ATP6V1H: variants seen among roughly 807,000 people sequenced by gnomAD.
ATP6V1H encodes ATPase H+ transporting V1 subunit H, also known as V-type proton ATPase subunit H.
A neutral mutation model predicts 71.7 loss-of-function variants in ATP6V1H; 39 were observed. The ratio of observed to expected loss-of-function variants is 0.54; its 90% CI spans 0.42 to 0.71. The LOEUF is 0.71. ATP6V1H is among the 30% of genes least tolerant of loss of function. The probability of loss-of-function intolerance (pLI) is 0.00; values close to 1 mark genes in which losing one functional copy is unlikely to be tolerated. For missense variants in ATP6V1H, 509 were observed against 594.9 expected (o/e 0.86, Z 1.50); for synonymous variants, 192 against 199.3 (o/e 0.96, Z 0.31).
chr8:53,802,403 C>T (rs1009071693), intron 7 of ATP6V1H, among the ~76,000 whole-genome samples: 2 of 152,082 alleles, frequency 1.3e-5, no homozygotes, highest in African/African-American at 4.8e-5. Context: ...TGCCAAGCAC[C>T]CTGAATATTG....
chr8:53,838,408 C>T (rs1222286585), intron 2 of ATP6V1H, among the ~76,000 whole-genome samples: 3 of 152,164 alleles, frequency 2.0e-5, no homozygotes, highest in South Asian at 2.1e-4. Context: ...CGTGAGCCAC[C>T]GCGCCTGGCC....
Position 53,829,527 on chromosome 8 carries a change from T to A in ATP6V1H, c.223A>T (p.Lys75Ter). 6.3e-7 allele frequency: 1 copy of A among 1,576,980 alleles called. No homozygotes were observed. The stretch of plus-strand genomic sequence containing the variant: ...TGAGTCATCAGATTTATAAATGTTT[T>A]AGCACACTAAAAAAAAAAATGAAAT... ...MLQTEGSQCA[K>*]TFINLMTHIC... Residue 75 changes from lysine to a stop codon, truncating the protein, a stop_gained, in exon 4 of 14, where the codon AAA (lysine) becomes TAA (stop). Transcript: ENST00000359530. LOFTEE classifies it high-confidence loss of function.
At chr8:53,785,766 CTTGG>C in intron 9 of ATP6V1H, among the ~76,000 whole-genome samples, 1 of 152,184 alleles carries the variant, frequency 6.6e-6, no homozygotes, top group Non-Finnish European at 1.5e-5. Flanking sequence ...ACTCATGACC[CTTGG>C]CTGCAGGTCT....
intron 7 of ATP6V1H, among the ~76,000 whole-genome samples, chr8:53,803,157 C>T (rs920564370): frequency 8.6e-5 from 13 of 151,948 alleles, no homozygotes; most frequent in African/African-American, 2.7e-4. Flanking sequence ...GCCAACATGG[C>T]GAAACTCCAT....
chr8:53,745,503 C>T (rs1272470310), intron 12 of ATP6V1H, among the ~76,000 whole-genome samples: 1 of 152,176 alleles, frequency 6.6e-6, no homozygotes, highest in Non-Finnish European at 1.5e-5. Flanking sequence ...TCACAGAGCA[C>T]GGTCACAGGC....
intron 9 of ATP6V1H, among the ~76,000 whole-genome samples, chr8:53,791,721 C>G (rs1453546217): frequency 6.6e-6 from 1 of 152,200 alleles, no homozygotes; most frequent in Non-Finnish European, 1.5e-5. Flanking sequence ...CCTGTCTCCT[C>G]CTCACACCCC....
At chr8:53,796,035 CAA>C (rs1473673958) in intron 8 of ATP6V1H, among the ~76,000 whole-genome samples, 196 bp from the exon 9 acceptor site, 10 of 152,084 alleles carry the variant, frequency 6.6e-5, no homozygotes, top group African/African-American at 1.2e-4. Context: ...ACCCTCTCTC[CAA>C]AAGTCACAGG....
intron 4 of ATP6V1H, among the ~76,000 whole-genome samples, chr8:53,824,520 C>T (rs1322865558): frequency 6.6e-6 from 1 of 152,018 alleles, no homozygotes; most frequent in African/African-American, 2.4e-5. Context: ...AATATGACAA[C>T]ATGACCAAGT....
At chr8:53,737,314 T>G (rs1407724822) in intron 13 of ATP6V1H, among the ~76,000 whole-genome samples, 3 of 152,246 alleles carry the variant, frequency 2.0e-5, no homozygotes, top group Admixed American at 1.3e-4. Flanking sequence ...CTAACAAGTA[T>G]TCCTGTCTGT....
intron 13 of ATP6V1H, among the ~76,000 whole-genome samples, chr8:53,731,012 T>C (rs1437460954): frequency 6.6e-6 from 1 of 152,214 alleles, no homozygotes; most frequent in Admixed American, 6.5e-5. Flanking sequence ...TTCAGGTGAC[T>C]GTAATCTTAT....
intron 13 of ATP6V1H, among the ~76,000 whole-genome samples, chr8:53,717,531 C>T (rs1178242475): frequency 6.6e-6 from 1 of 152,152 alleles, no homozygotes; most frequent in African/African-American, 2.4e-5. Flanking sequence ...TCTTGTGCTA[C>T]CAGGAACTAC....
intron 9 of ATP6V1H, among the ~76,000 whole-genome samples, chr8:53,786,205 C>T (rs1249136334): frequency 1.3e-5 from 2 of 152,208 alleles, no homozygotes; most frequent in African/African-American, 2.4e-5. Flanking sequence ...GCTTCCAGGC[C>T]GCTTCGTTTA....
At chr8:53,799,078 CCAT>C (rs1809832027) in intron 8 of ATP6V1H, among the ~76,000 whole-genome samples, 1 of 151,954 alleles carries the variant, frequency 6.6e-6, no homozygotes, top group Non-Finnish European at 1.5e-5. Context: ...TACAGGTCCT[CCAT>C]AGGGAGAAAA....
At chr8:53,765,060 G>A (rs909241753) in intron 11 of ATP6V1H, among the ~76,000 whole-genome samples, 6 of 151,966 alleles carry the variant, frequency 3.9e-5, no homozygotes, top group African/African-American at 7.2e-5. Flanking sequence ...AGCTATGATC[G>A]CACCACTTCA....
intron 6 of ATP6V1H, 21 bp downstream of exon 6, chr8:53,814,641 C>A: frequency 7.2e-7 from 1 of 1,384,426 alleles, no homozygotes; most frequent in Non-Finnish European, 1.0e-6. Context: ...TTCAAAGGTA[C>A]TTTAAAAAAT....
intron 11 of ATP6V1H, among the ~76,000 whole-genome samples, chr8:53,756,970 A>G (rs1808089611): frequency 6.6e-6 from 1 of 152,214 alleles, no homozygotes; most frequent in Non-Finnish European, 1.5e-5. Context: ...CCAATTATAT[A>G]TATTTTCATA....
At chr8:53,827,271 TTC>T (rs1411048931) in intron 4 of ATP6V1H, among the ~76,000 whole-genome samples, 5 of 151,650 alleles carry the variant, frequency 3.3e-5, no homozygotes, top group African/African-American at 1.2e-4. Context: ...TAATCCCAGT[TTC>T]TCGGGAGGCT....
chr8:53,839,522 C>T (rs1811277672), intron 2 of ATP6V1H: 1 of 826,846 alleles, frequency 1.2e-6, no homozygotes, highest in African/African-American at 1.9e-5. Flanking sequence ...CACACCAAAT[C>T]AATCACTAAG....
At chr8:53,835,323 C>T (rs1014307662) in intron 2 of ATP6V1H, among the ~76,000 whole-genome samples, 8 of 152,102 alleles carry the variant, frequency 5.3e-5, no homozygotes, top group African/African-American at 1.9e-4. Context: ...GCAAAAAAGC[C>T]CAGCAGGATT....
Sources: allele counts gnomAD v4.1 joint callset (sites outside exome capture counted in the v4.1 genomes callset), GRCh38; gene constraint gnomAD v4.1.1; transcripts MANE v1.5; gene names NCBI Gene and HGNC (gene_info 2026-07-23, HGNC 2026-07-21).